LARGE1: variants seen among roughly 807,000 people sequenced by gnomAD.
LARGE1 encodes xylosyl- and glucuronyltransferase LARGE1.
Under a neutral mutation model 87.6 loss-of-function variants are expected in LARGE1, and 43 were observed. The observed-to-expected ratio is 0.49, with a 90% confidence interval of 0.38 to 0.63. LARGE1 has a LOEUF of 0.63. LARGE1 is among the 30% of genes least tolerant of loss of function. The probability of loss-of-function intolerance (pLI) is 0.00; values close to 1 mark genes in which losing one functional copy is unlikely to be tolerated. For missense variants in LARGE1, 802 were observed against 1,000.2 expected (o/e 0.80, Z 2.67); for synonymous variants, 434 against 394.6 (o/e 1.10, Z -1.18).
intron 9 of LARGE1, among the ~76,000 whole-genome samples, chr22:33,358,507 T>C (rs1014649112): frequency 1.3e-5 from 2 of 152,202 alleles, no homozygotes; most frequent in Non-Finnish European, 2.9e-5. Context: ...AATGTTTCAA[T>C]GCTTGAGTTA....
intron 1 of LARGE1, among the ~76,000 whole-genome samples, chr22:33,881,935 GA>G (rs1411469689): frequency 2.6e-5 from 4 of 152,142 alleles, no homozygotes; most frequent in Admixed American, 6.5e-5. Flanking sequence ...ATGGCTGAAT[GA>G]AAGTCTCCAA....
intron 6 of LARGE1, among the ~76,000 whole-genome samples, chr22:33,552,287 G>T (rs184183671): frequency 7.6e-4 from 115 of 152,184 alleles, no homozygotes; most frequent in African/African-American, 2.6e-3. Context: ...TATTCTCAAA[G>T]AAATCCCAGA....
intron 11 of LARGE1, among the ~76,000 whole-genome samples, chr22:33,309,365 C>T (rs1935306760): frequency 6.6e-6 from 1 of 152,146 alleles, no homozygotes; most frequent in South Asian, 2.1e-4. Flanking sequence ...TGGGATTTCG[C>T]CATGTTGGCC....
chr22:33,568,328 G>A (rs552514779), intron 5 of LARGE1, among the ~76,000 whole-genome samples: 10 of 152,354 alleles, frequency 6.6e-5, no homozygotes, highest in African/African-American at 2.2e-4. Context: ...CAGAGCGAAA[G>A]CGAGACTAGA....
In LARGE1 at chr22:33,208,177, A is replaced by ACCTT. The variant is rs1355742653; in HGVS notation, c.1731-41346_1731-41345insAAGG. Among the ~76,000 whole-genome samples, 26 of 151,876 alleles carry ACCTT rather than the reference A, an allele frequency of 1.7e-4. 1 individual carries two copies. The East Asian group carries it at 5.0e-3, about 29-fold the overall frequency. On this transcript the variant is annotated intron_variant, in intron 11 of 11. Transcript: ENST00000608642. ...CATCTTATTATACCTGTTTAGATGC[A>ACCTT]GGTGTTCTAGAAAAGAGAGGAATTA...
At chr22:33,106,858 C>T in the LARGE1 span, among the ~76,000 whole-genome samples, 1 of 152,268 alleles carries the variant, frequency 6.6e-6, no homozygotes, top group South Asian at 2.1e-4. Flanking sequence ...TAGATTTTTC[C>T]CATCTCAGTG....
chr22:33,337,894 G>C (rs982223590), intron 9 of LARGE1, 93 bp from the exon 10 acceptor site: 2 of 1,373,020 alleles, frequency 1.5e-6, no homozygotes, highest in African/African-American at 2.9e-5. Context: ...ACTGGGCTAA[G>C]CATTATTTGA....
At chr22:33,464,323 GT>G (rs2068500824) in intron 6 of LARGE1, among the ~76,000 whole-genome samples, 2 of 152,094 alleles carry the variant, frequency 1.3e-5, no homozygotes, top group Non-Finnish European at 2.9e-5. Flanking sequence ...CCAGGTTTTG[GT>G]TTATTTTCAT....
chr22:33,649,036 C>T (rs1053274390), intron 3 of LARGE1, among the ~76,000 whole-genome samples: 4 of 152,234 alleles, frequency 2.6e-5, no homozygotes, highest in Non-Finnish European at 5.9e-5. Context: ...CTTGTGACAT[C>T]CCGAATCCTG....
intron 6 of LARGE1, among the ~76,000 whole-genome samples, chr22:33,541,696 G>A (rs1244997757): frequency 6.6e-6 from 1 of 150,678 alleles, no homozygotes; most frequent in East Asian, 1.9e-4. Context: ...ATCCTGTCTG[G>A]AGTCATCGTC....
chr22:33,224,625 G>A (rs1925639304), intron 11 of LARGE1, among the ~76,000 whole-genome samples: 1 of 152,014 alleles, frequency 6.6e-6, no homozygotes, highest in Admixed American at 6.6e-5. Flanking sequence ...TGAGTAGTGT[G>A]GGCCTAGGAC....
upstream of LARGE1, among the ~76,000 whole-genome samples, chr22:33,920,617 G>A (rs1411392367): frequency 2.6e-3 from 371 of 144,762 alleles, 2 homozygotes; most frequent in African/African-American, 8.7e-3. Context: ...CCTGGGGCGC[G>A]GGGCCGGGGG....
chr22:33,323,819 C>T (rs1436093101), intron 10 of LARGE1, among the ~76,000 whole-genome samples: 1 of 152,136 alleles, frequency 6.6e-6, no homozygotes, highest in African/African-American at 2.4e-5. Context: ...AAGTGCTACC[C>T]AAACCTAAGC....
chr22:33,303,373 C>T (rs1451062505), intron 12 of LARGE1, among the ~76,000 whole-genome samples: 2 of 152,154 alleles, frequency 1.3e-5, no homozygotes, highest in African/African-American at 4.8e-5. Flanking sequence ...GGCTCCTGGT[C>T]TCGGTCCCAC....
intron 1 of LARGE1, among the ~76,000 whole-genome samples, chr22:33,792,435 C>A (rs2085853057): frequency 6.6e-6 from 1 of 152,160 alleles, no homozygotes; most frequent in Non-Finnish European, 1.5e-5. Flanking sequence ...GAGGCCTCCC[C>A]AGTGATGCTG....
chr22:33,780,740 T>C (rs2085392874), intron 1 of LARGE1, among the ~76,000 whole-genome samples: 1 of 152,182 alleles, frequency 6.6e-6, no homozygotes, highest in African/African-American at 2.4e-5. Flanking sequence ...CAAAACTATT[T>C]AGGGCTTAGA....
intron 2 of LARGE1, among the ~76,000 whole-genome samples, chr22:33,756,284 G>A (rs899277717): frequency 6.6e-5 from 10 of 152,116 alleles, no homozygotes; most frequent in Admixed American, 2.0e-4. Flanking sequence ...ATCTTCTCCC[G>A]GCACTACAGT....
At chr22:33,553,703 T>C (rs1293289452) in intron 6 of LARGE1, among the ~76,000 whole-genome samples, 1 of 152,094 alleles carries the variant, frequency 6.6e-6, no homozygotes, top group Non-Finnish European at 1.5e-5. Flanking sequence ...GGTTTAGAGT[T>C]GAGCAACACC....
At chr22:33,850,495 A>G (rs922261026) in intron 1 of LARGE1, among the ~76,000 whole-genome samples, 3 of 152,202 alleles carry the variant, frequency 2.0e-5, no homozygotes, top group African/African-American at 7.2e-5. Context: ...AATTTATTGC[A>G]AGTACTAAAG....
Sources: gnomAD v4.1 joint callset for allele counts (sites outside exome capture counted in the v4.1 genomes callset) on GRCh38, gnomAD v4.1.1 for gene constraint, MANE v1.5 for transcripts, NCBI Gene and HGNC (gene_info 2026-07-23, HGNC 2026-07-21) for gene names.